Variants in CCNA2 observed in about 807,000 individuals in gnomAD.
CCNA2 encodes cyclin-A2.
CCNA2 carries 3 observed loss-of-function variants against 49.4 expected under a neutral mutation model. The observed-to-expected ratio is 0.06, with a 90% CI of 0.03 to 0.16. The LOEUF is 0.16. CCNA2 is among the 10% of genes least tolerant of loss of function. The pLI is 1.00. For synonymous variants in CCNA2, 206 were observed against 197.2 expected (o/e 1.04, Z -0.37); for missense variants, 372 against 519.7 (o/e 0.72, Z 2.76).
In CCNA2 at chr4:121,818,079, T is replaced by C; in HGVS notation, c.1215A>G (p.Ala405=). 1.9e-6 allele frequency: 3 copies of C among 1,614,052 alleles called. No individual in the cohort carries two copies. Among genetic ancestry groups the C allele is most frequent in the Non-Finnish European group, 2.5e-6 (3 of 1,179,908 alleles). ...HQTYLKAPQH[A]QQSIREKYKN... The stretch of plus-strand genomic sequence containing the variant: ...TGTACTTTTCTCTTATTGACTGTTG[T>C]GCATGCTGTGGTGCTTTGAGGTAGG... Residue 405 remains alanine (A), a synonymous_variant, in exon 7 of 8, where the codon GCA becomes GCG. Coordinates refer to ENST00000274026, the MANE Select transcript of CCNA2 (RefSeq NM_001237.5).
At chr4:121,819,609 T>C (rs1186863271) in intron 4 of CCNA2, 30 bp from the exon 5 acceptor site, 1 of 1,473,220 alleles carries the variant, frequency 6.8e-7, no homozygotes, top group East Asian at 2.3e-5. Context: ...AAGTAATCAG[T>C]CCTAAAAGAG....
intron 6 of CCNA2, 71 bp downstream of exon 6, chr4:121,818,729 G>T: frequency 1.0e-6 from 1 of 972,184 alleles, no homozygotes; most frequent in South Asian, 1.3e-5. Context: ...CAGTTTTGTA[G>T]GACAATTATT....
chr4:121,817,626 A>G lies in CCNA2; in HGVS notation c.*12T>C. On this transcript the variant is annotated 3_prime_UTR_variant, in exon 8 of 8. Transcript: ENST00000274026. ...GATTTACATCTTAGAAAACAAAGGC[A>G]GTCTTTCATTGTTACAGATTTAGTG... 6.2e-7 allele frequency: 1 copy of G among 1,613,962 alleles called. No individual in the cohort carries two copies. Among genetic ancestry groups the G allele is most frequent in the Non-Finnish European group, 8.5e-7 (1 of 1,179,872 alleles).
Position 121,823,404 on chromosome 4 carries a change from G to T in CCNA2, c.213+12C>A. The T allele has an allele frequency of 6.2e-7, 1 of 1,604,604 alleles. No homozygotes were observed. Among genetic ancestry groups the T allele is most frequent in the Non-Finnish European group, 8.5e-7 (1 of 1,174,352 alleles). On this transcript the variant is annotated intron_variant, in intron 1 of 7. Transcript: ENST00000274026. ...CGACCCACCCTCCTGCAGATATCCC[G>T]CATCCCTTTACCCGTCTCGTCTTCG...
chr4:121,817,792 C>A, intron 7 of CCNA2, 106 bp from the exon 8 acceptor site: 1 of 1,468,344 alleles, frequency 6.8e-7, no homozygotes, highest in Non-Finnish European at 9.4e-7. Context: ...AATGCTATTT[C>A]TGTCTGACCG....
At position 121,816,982 on chromosome 4, in the gene CCNA2, T is replaced by C; in HGVS notation, c.*656A>G. On this transcript the variant is annotated 3_prime_UTR_variant, in exon 8 of 8. Coordinates refer to ENST00000274026, the MANE Select transcript of CCNA2 (RefSeq NM_001237.5). Reference sequence around the variant, plus strand: ...TAGCAGGATTTTAAAAATAGTTTTTTGTTTTTAATGTGCTTTAAAATAATA... The same window carrying C: ...TAGCAGGATTTTAAAAATAGTTTTTCGTTTTTAATGTGCTTTAAAATAATA... 1 of 967,958 alleles carries C rather than the reference T, an allele frequency of 1.0e-6. No individual in the cohort carries two copies. Among genetic ancestry groups the C allele is most frequent in the Non-Finnish European group, 1.4e-6 (1 of 689,702 alleles). 60.0% of individuals were successfully genotyped at this position (967,958 alleles called of 1,614,324 possible).
Position 121,823,646 on chromosome 4 carries a change from G to T in CCNA2, c.-18C>A, listed in dbSNP as rs751226309. The T allele has an allele frequency of 7.1e-6, 11 of 1,557,778 alleles. No homozygotes were observed. Among genetic ancestry groups the T allele is most frequent in the Non-Finnish European group, 9.5e-6 (11 of 1,156,392 alleles). The stretch of plus-strand genomic sequence containing the variant: ...CCCAACATCACTGCTCCCGGGAGTG[G>T]ACGGCGGGATCAGCCTGCGGCGCCA... On this transcript the variant is annotated 5_prime_UTR_variant, in exon 1 of 8. Coordinates refer to ENST00000274026, the MANE Select transcript of CCNA2 (RefSeq NM_001237.5).
chr4:121,816,501 G>T lies in CCNA2; in HGVS notation c.*1137C>A. On this transcript the variant is annotated 3_prime_UTR_variant, in exon 8 of 8. Coordinates refer to ENST00000274026, the MANE Select transcript of CCNA2 (RefSeq NM_001237.5). ...TATACATATACTCAACACTTATAGA[G>T]GTTTGCTCTCTGGTTTTACTCTCAT... is the stretch of plus-strand genomic sequence containing the variant. 8.5e-7 allele frequency: 1 copy of T among 1,180,172 alleles called. No homozygotes were observed. The highest frequency in any genetic ancestry group is 1.2e-6 in the Non-Finnish European group (1 of 826,720). The allele number at this position is 1,180,172 out of a possible 1,614,324, so 73.1% of individuals were successfully genotyped here.
At position 121,817,147 on chromosome 4, in the gene CCNA2, C is replaced by A; in HGVS notation, c.*491G>T. The stretch of plus-strand genomic sequence containing the variant: ...AGCGAAAAAGTCTGGGGAATCTCTA[C>A]TGTATCTATCTCTGAATACTGTATT... On this transcript the variant is annotated 3_prime_UTR_variant, in exon 8 of 8. Transcript: ENST00000274026. 3.2e-6 allele frequency: 1 copy of A among 314,558 alleles called. No individual in the cohort carries two copies. The highest frequency in any genetic ancestry group is 5.8e-6 in the Non-Finnish European group (1 of 171,606). The allele number at this position is 314,558 out of a possible 1,614,324, so 19.5% of individuals were successfully genotyped here. A position where few individuals can be genotyped will look rare whatever the true frequency, so the allele number is the denominator to read the frequency against.
At position 121,820,550 on chromosome 4, in the gene CCNA2, C is replaced by A. The variant is rs1296622266; in HGVS notation, c.786G>T (p.Leu262=). ...KLQLVGTAAM[L]LASKFEEIYP... is the part of the protein sequence containing the mutation. Reference sequence around the variant, plus strand: ...AACCAAGGTAGACTTACGAGGCTAACAGCATAGCAGCAGTGCCCACAAGCT... The same window carrying A: ...AACCAAGGTAGACTTACGAGGCTAAAAGCATAGCAGCAGTGCCCACAAGCT... The change falls in exon 4 of 8, where the codon CTG becomes CTT. Residue 262 remains leucine (L), a synonymous_variant. Coordinates refer to ENST00000274026, the MANE Select transcript of CCNA2 (RefSeq NM_001237.5). This position sits in a 1 kb window ranked among gnomAD's most constrained non-coding sequence, Gnocchi z 4.1. 1 of 1,611,126 alleles carries A rather than the reference C, an allele frequency of 6.2e-7. No individual in the cohort carries two copies. The highest frequency in any genetic ancestry group is 8.5e-7 in the Non-Finnish European group (1 of 1,177,878).
chr4:121,823,745 C>G lies in CCNA2; in HGVS notation c.-117G>C. 1 of 1,443,222 alleles carries G rather than the reference C, an allele frequency of 6.9e-7. No homozygotes were observed. Among genetic ancestry groups the G allele is most frequent in the Non-Finnish European group, 9.1e-7 (1 of 1,101,630 alleles). 89.4% of individuals were successfully genotyped at this position (1,443,222 alleles called of 1,614,324 possible). A position where few individuals can be genotyped will look rare whatever the true frequency, so the allele number is the denominator to read the frequency against. On this transcript the variant is annotated 5_prime_UTR_variant, in exon 1 of 8. Transcript: ENST00000274026. ...GAATAGTCGTAGCCGCCGGTCGCAGCCCAGGCCAGCCTACCAGCCCGCCCG... is the reference window on the plus strand; with the variant it reads ...GAATAGTCGTAGCCGCCGGTCGCAGGCCAGGCCAGCCTACCAGCCCGCCCG...
intron 5 of CCNA2, among the ~76,000 whole-genome samples, 191 bp from the exon 6 acceptor site, chr4:121,819,104 C>G (rs546601223): frequency 6.6e-6 from 1 of 152,160 alleles, no homozygotes; most frequent in African/African-American, 2.4e-5. Context: ...TGTATTTTCC[C>G]TCCTTTATTA....
At chr4:121,818,950 T>C (rs749239926) in intron 5 of CCNA2, 37 bp from the exon 6 acceptor site, 5 of 1,362,568 alleles carry the variant, frequency 3.7e-6, no homozygotes, top group African/African-American at 2.9e-5. Context: ...CAAGAGCGTT[T>C]AGAATTCAAA....
At position 121,823,444 on chromosome 4, in the gene CCNA2, G is replaced by T. The variant is rs1166804226; in HGVS notation, c.185C>A (p.Ala62Glu). 2.5e-6 allele frequency: 4 copies of T among 1,613,000 alleles called. No individual in the cohort carries two copies. The highest frequency in any genetic ancestry group is 2.7e-5 in the African/African-American group (2 of 74,926). Residue 62 changes from alanine to glutamate, a missense_variant, in exon 1 of 8, where the codon GCG becomes GAG. Ala to Glu is a moderately radical substitution (Grantham distance 107). Coordinates refer to ENST00000274026, the MANE Select transcript of CCNA2 (RefSeq NM_001237.5). Reference sequence around the variant, plus strand: ...TCTCGTCTTCGGCCTCTGCTGCTGCGCTAGACCCCGCGGGTTCCCGGACTT... The same window carrying T: ...TCTCGTCTTCGGCCTCTGCTGCTGCTCTAGACCCCGCGGGTTCCCGGACTT... Reference protein sequence around the residue: ...VLKSGNPRGLAQQQRPKTRRV... With the variant: ...VLKSGNPRGLEQQQRPKTRRV...
At position 121,817,634 on chromosome 4, in the gene CCNA2, A is replaced by ATTGT; in HGVS notation, c.1299_*3dup. 6.2e-7 allele frequency: 1 copy of ATTGT among 1,613,940 alleles called. No homozygotes were observed. The highest frequency in any genetic ancestry group is 8.5e-7 in the Non-Finnish European group (1 of 1,179,898). ...TCTTAGAAAACAAAGGCAGTCTTTC[A>ATTGT]TTGTTACAGATTTAGTGTCTCTGGT... is the stretch of plus-strand genomic sequence containing the variant. On this transcript the variant is annotated 3_prime_UTR_variant, in exon 8 of 8. Transcript: ENST00000274026.
chr4:121,823,241 C>T (rs962516127), intron 1 of CCNA2, among the ~76,000 whole-genome samples, 175 bp downstream of exon 1: 3 of 152,112 alleles, frequency 2.0e-5, no homozygotes, highest in African/African-American at 7.2e-5. Flanking sequence ...GGTCCTGATG[C>T]TAATATGGGA....
intron 2 of CCNA2, among the ~76,000 whole-genome samples, chr4:121,821,634 T>G (rs1383732262): frequency 6.6e-6 from 1 of 152,234 alleles, no homozygotes; most frequent in Non-Finnish European, 1.5e-5. Context: ...TAAATTATTT[T>G]GAAGCAAAGA....
chr4:121,823,559 T>C lies in CCNA2; in HGVS notation c.70A>G (p.Thr24Ala). The change falls in exon 1 of 8, where the codon ACG (threonine) becomes GCG (alanine). Residue 24 changes from threonine (T) to alanine (A), a missense_variant. This residue lies in a region of CCNA2 where 217 missense variants were observed against 231.7 expected (regional missense o/e 0.94). Coordinates refer to ENST00000274026, the MANE Select transcript of CCNA2 (RefSeq NM_001237.5). ...TTCTCCTGGTCCTCTTGGAGCGCCG[T>C]CTGCTGCAATGCTAGCAGCGCCGAG... ...AGSALLALQQ[T>A]ALQEDQENIN... 2 of 1,611,272 alleles carry C rather than the reference T, an allele frequency of 1.2e-6. No individual in the cohort carries two copies. Among genetic ancestry groups the C allele is most frequent in the Non-Finnish European group, 1.7e-6 (2 of 1,179,336 alleles).
At chr4:121,819,715 C>T in intron 4 of CCNA2, 136 bp from the exon 5 acceptor site, 1 of 637,924 alleles carries the variant, frequency 1.6e-6, no homozygotes, top group Non-Finnish European at 2.8e-6. Context: ...ACTTGATCAT[C>T]ATTTCTAGTA....
Sources: gnomAD v4.1 joint callset for allele counts (sites outside exome capture counted in the v4.1 genomes callset) on GRCh38, gnomAD v4.1.1 for gene constraint, gnomAD v4.1.1 regional missense constraint, Gnocchi (gnomAD v3.1) non-coding constraint, MANE v1.5 for transcripts, NCBI Gene and HGNC (gene_info 2026-07-23, HGNC 2026-07-21) for gene names.